The following CCDC146 variants were observed in gnomAD, a reference collection of about 807,000 sequenced individuals.
The protein encoded by CCDC146 is coiled-coil domain-containing protein 146.
A neutral mutation model predicts 119.3 loss-of-function variants in CCDC146; 92 were observed. The observed-to-expected ratio is 0.77, with a 90% CI of 0.65 to 0.92. The LOEUF (loss-of-function observed/expected upper bound fraction) is 0.92, where lower values mean the gene tolerates loss of function less well. Among genes scored for constraint, CCDC146 ranks in the 40% least tolerant of loss-of-function variants. The pLI is 0.00. For synonymous variants in CCDC146, 372 were observed against 371.8 expected (o/e 1.00, Z -0.01); for missense variants, 1,000 against 1,103.0 (o/e 0.91, Z 1.32).
intron 4 of CCDC146, among the ~76,000 whole-genome samples, chr7:77,248,888 T>C (rs1281227163): frequency 1.3e-5 from 2 of 152,248 alleles, no homozygotes; most frequent in South Asian, 2.1e-4. Flanking sequence ...CAAAACCATA[T>C]GTTCCCATTC....
chr7:77,162,956 A>G (rs886592736), intron 1 of CCDC146, among the ~76,000 whole-genome samples: 4 of 152,180 alleles, frequency 2.6e-5, no homozygotes, highest in Non-Finnish European at 5.9e-5. Flanking sequence ...TCCCTGTGCA[A>G]ATACTTTACT....
At chr7:77,145,891 T>G (rs1456533227) in intron 1 of CCDC146, among the ~76,000 whole-genome samples, 2 of 152,146 alleles carry the variant, frequency 1.3e-5, no homozygotes, top group African/African-American at 2.4e-5. Context: ...GAATGTATAT[T>G]CTGTTGATTC....
intron 3 of CCDC146, among the ~76,000 whole-genome samples, chr7:77,238,382 A>G (rs17804250): frequency 0.11 from 16,072 of 152,238 alleles, 1,115 homozygotes; most frequent in Non-Finnish European, 0.16. Context: ...TCCTCTTTGC[A>G]GATACAAGGA....
At chr7:77,287,668 C>A in intron 17 of CCDC146, 91 bp downstream of exon 17, 2 of 1,390,746 alleles carry the variant, frequency 1.4e-6, no homozygotes, top group Non-Finnish European at 9.8e-7. Flanking sequence ...GAGAGAAGCA[C>A]TGGAGAGATT....
At position 77,274,469 on chromosome 7, in the gene CCDC146, T is replaced by G. The variant is rs181958053; in HGVS notation, c.1270-13T>G. ...AAATAACTTATAATATTATCTGTGTTTTTTTTCAAAAGAAAATTATATCAG... is the reference window on the plus strand; with the variant it reads ...AAATAACTTATAATATTATCTGTGTGTTTTTTCAAAAGAAAATTATATCAG... On this transcript the variant is annotated splice_polypyrimidine_tract_variant and intron_variant, in intron 10 of 18. Coordinates refer to ENST00000285871, the MANE Select transcript of CCDC146 (RefSeq NM_020879.3). The G allele has an allele frequency of 2.9e-3, 4,238 of 1,461,162 alleles. 103 individuals are homozygous for G. The African/African-American group carries it at 0.058, about 20-fold the overall frequency. The allele number at this position is 1,461,162 out of a possible 1,614,324, so 90.5% of individuals were successfully genotyped here.
chr7:77,267,039 T>C (rs1022889587), intron 9 of CCDC146, among the ~76,000 whole-genome samples: 1 of 149,720 alleles, frequency 6.7e-6, no homozygotes, highest in Non-Finnish European at 1.5e-5. Context: ...TTGCTGAGGC[T>C]GGAGTACAGT....
At position 77,225,561 on chromosome 7, in the gene CCDC146, A is replaced by C. The variant is rs1792493520; in HGVS notation, c.157-11386A>C. Among the ~76,000 whole-genome samples the C allele has an allele frequency of 2.6e-5, 4 of 152,106 alleles. No homozygotes were observed. The South Asian group carries it at 8.3e-4, about 32-fold the overall frequency. On this transcript the variant is annotated intron_variant, in intron 2 of 18. Coordinates refer to ENST00000285871, the MANE Select transcript of CCDC146 (RefSeq NM_020879.3). ...AGAGCAAGACTTTGCCTTAAAAAAA[A>C]AAACAAAAACTAGCAGAGCTATAAT...
chr7:77,135,263 G>A (rs1790845576), intron 1 of CCDC146, among the ~76,000 whole-genome samples: 1 of 152,184 alleles, frequency 6.6e-6, no homozygotes, highest in South Asian at 2.1e-4. Context: ...CATCGTGGGT[G>A]GATCATTTAA....
At chr7:77,145,550 C>A (rs946942835) in intron 1 of CCDC146, among the ~76,000 whole-genome samples, 3 of 151,678 alleles carry the variant, frequency 2.0e-5, no homozygotes, top group Admixed American at 2.0e-4. Context: ...CTCTTGTGGG[C>A]ATTTAGTGCT....
At chr7:77,293,325 G>A (rs1480459056) in intron 18 of CCDC146, 125 bp downstream of exon 18, 9 of 988,472 alleles carry the variant, frequency 9.1e-6, no homozygotes, top group South Asian at 7.9e-5. Flanking sequence ...CCCAACAGTC[G>A]TTAGAAGTGT....
At chr7:77,252,428 C>G (rs1435143978) in intron 4 of CCDC146, among the ~76,000 whole-genome samples, 1 of 152,002 alleles carries the variant, frequency 6.6e-6, no homozygotes, top group Non-Finnish European at 1.5e-5. Flanking sequence ...TTGAAAGAAG[C>G]AAGAAACGGG....
In CCDC146 at chr7:77,273,677, T is replaced by A; in HGVS notation, c.1174-17T>A. 4.4e-6 allele frequency: 7 copies of A among 1,581,370 alleles called. No homozygotes were observed. The highest frequency in any genetic ancestry group is 6.1e-6 in the Non-Finnish European group (7 of 1,153,868). ...TATTTCTTACATAAATGCATGTTTT[T>A]AAATTTTGATTTCCAGATGGAAGCT... On this transcript the variant is annotated splice_polypyrimidine_tract_variant and intron_variant, in intron 9 of 18. Transcript: ENST00000285871.
At chr7:77,231,283 G>A (rs534730994) in intron 2 of CCDC146, among the ~76,000 whole-genome samples, 3 of 152,280 alleles carry the variant, frequency 2.0e-5, no homozygotes, top group East Asian at 1.9e-4. Context: ...ATTTGGATAC[G>A]CCAAAGAGAA....
At chr7:77,125,262 A>AT (rs199711220) in intron 1 of CCDC146, among the ~76,000 whole-genome samples, 21,346 of 147,748 alleles carry the variant, frequency 0.14, 2,248 homozygotes, top group Non-Finnish European at 0.2. Context: ...CTGATATATT[A>AT]TGCAACAATT....
At chr7:77,292,306 T>A (rs1448521222) in intron 17 of CCDC146, among the ~76,000 whole-genome samples, 1 of 149,558 alleles carries the variant, frequency 6.7e-6, no homozygotes, top group East Asian at 2.0e-4. Flanking sequence ...TTTTAATTTT[T>A]TTTTTTTTTT....
At chr7:77,127,941 C>CT (rs1350939201) in intron 1 of CCDC146, among the ~76,000 whole-genome samples, 3 of 152,040 alleles carry the variant, frequency 2.0e-5, no homozygotes, top group African/African-American at 7.3e-5. Flanking sequence ...TGTTTAATAT[C>CT]TGCATTGAAT....
At chr7:77,232,391 A>G (rs1792647831) in intron 2 of CCDC146, among the ~76,000 whole-genome samples, 1 of 152,118 alleles carries the variant, frequency 6.6e-6, no homozygotes, top group African/African-American at 2.4e-5. Context: ...ATCAAGTGTG[A>G]ATTTTTTTAC....
chr7:77,244,840 T>TA (rs913665542), intron 4 of CCDC146, among the ~76,000 whole-genome samples: 2 of 152,078 alleles, frequency 1.3e-5, no homozygotes, highest in African/African-American at 4.8e-5. Flanking sequence ...CATCCCCACA[T>TA]AAAAATAAAG....
intron 2 of CCDC146, among the ~76,000 whole-genome samples, chr7:77,200,209 G>A (rs1791962035): frequency 6.6e-6 from 1 of 152,166 alleles, no homozygotes; most frequent in Non-Finnish European, 1.5e-5. Flanking sequence ...GAACAGAAAC[G>A]TTACTAAAAT....
Sources: gnomAD v4.1 joint callset for allele counts (sites outside exome capture counted in the v4.1 genomes callset) on GRCh38, gnomAD v4.1.1 for gene constraint, MANE v1.5 for transcripts, NCBI Gene and HGNC (gene_info 2026-07-23, HGNC 2026-07-21) for gene names.